The following FBXL7 variants were observed in gnomAD, a reference collection of about 807,000 sequenced individuals.
The protein encoded by FBXL7 is F-box/LRR-repeat protein 7.
In FBXL7, 12 loss-of-function variants were observed where a neutral mutation model predicts 38.3. The observed-to-expected ratio is 0.31, with a 90% confidence interval of 0.20 to 0.51. The LOEUF (loss-of-function observed/expected upper bound fraction) is 0.51, where lower values mean the gene tolerates loss of function less well. Among genes scored for constraint, FBXL7 ranks in the 20% least tolerant of loss-of-function variants. The pLI is 0.98. For synonymous variants in FBXL7, 297 were observed against 300.9 expected, an observed-to-expected ratio of 0.99 and a Z score of 0.13; for missense variants, 567 against 676.4, an observed-to-expected ratio of 0.84 and a Z score of 1.79.
chr5:15,574,229 T>C (rs1243732638), intron 1 of FBXL7, among the ~76,000 whole-genome samples: 2 of 152,242 alleles, frequency 1.3e-5, no homozygotes, highest in Non-Finnish European at 2.9e-5. Context: ...GAATGGTTTA[T>C]CATATAACAG....
At chr5:15,754,896 C>T (rs1003221329) in intron 2 of FBXL7, among the ~76,000 whole-genome samples, 2 of 152,156 alleles carry the variant, frequency 1.3e-5, no homozygotes, top group African/African-American at 4.8e-5. Flanking sequence ...CAACACAGGA[C>T]AACACTTGCT....
intron 1 of FBXL7, among the ~76,000 whole-genome samples, chr5:15,570,377 T>C (rs926710258): frequency 5.9e-5 from 9 of 152,356 alleles, no homozygotes; most frequent in Non-Finnish European, 1.0e-4. Context: ...TTTATTTGCA[T>C]AGAGGTGTTT....
chr5:15,891,363 A>G (rs567051103), intron 2 of FBXL7, among the ~76,000 whole-genome samples: 1 of 152,284 alleles, frequency 6.6e-6, no homozygotes, highest in South Asian at 2.1e-4. Context: ...TTCTGTGTCT[A>G]TTAGTTCACT....
intron 2 of FBXL7, among the ~76,000 whole-genome samples, chr5:15,720,785 A>G (rs1744171863): frequency 8.7e-6 from 1 of 114,582 alleles, no homozygotes; most frequent in African/African-American, 2.9e-5. Context: ...TAATATGATG[A>G]TAAATATTAT....
chr5:15,799,680 G>GA (rs966753122), intron 2 of FBXL7, among the ~76,000 whole-genome samples: 3 of 152,028 alleles, frequency 2.0e-5, no homozygotes, highest in Non-Finnish European at 4.4e-5. Flanking sequence ...TTCTAAAAAG[G>GA]AAAAAAGGTC....
rs552530977 is a variant in FBXL7, at chr5:15,747,761, C to G, written c.127+131689C>G. On this transcript the variant is annotated intron_variant, in intron 2 of 3. Coordinates refer to ENST00000504595, the MANE Select transcript of FBXL7 (RefSeq NM_012304.5). ...AGGGAATCGTGGGATCCAGGTTTTC[C>G]ATCTGTAACTCATCCTCCCACTTAT... Among the ~76,000 whole-genome samples, 374 of 152,228 alleles carry G rather than the reference C, an allele frequency of 2.5e-3. 2 individuals carry two copies. The highest frequency in any genetic ancestry group is 4.1e-3 in the Non-Finnish European group (280 of 68,020).
intron 2 of FBXL7, among the ~76,000 whole-genome samples, chr5:15,741,098 A>T (rs1390691568): frequency 1.3e-5 from 2 of 152,226 alleles, no homozygotes; most frequent in African/African-American, 4.8e-5. Flanking sequence ...CAATGCAAAC[A>T]GGTGGCACAA....
chr5:15,842,496 CT>C (rs1179762200), intron 2 of FBXL7, among the ~76,000 whole-genome samples: 1 of 152,080 alleles, frequency 6.6e-6, no homozygotes, highest in East Asian at 1.9e-4. Context: ...TGAGTTAAGA[CT>C]TTGGGTGACT....
At chr5:15,784,184 G>T (rs767229626) in intron 2 of FBXL7, among the ~76,000 whole-genome samples, 8 of 152,000 alleles carry the variant, frequency 5.3e-5, no homozygotes, top group Non-Finnish European at 1.0e-4. Flanking sequence ...TGAGAGGAAG[G>T]GCTATCACAA....
chr5:15,534,864 G>C (rs1295724720), intron 1 of FBXL7, among the ~76,000 whole-genome samples: 1 of 152,186 alleles, frequency 6.6e-6, no homozygotes, highest in Non-Finnish European at 1.5e-5. Context: ...ATAGGTGTCT[G>C]GTTGTGGTAT....
intron 2 of FBXL7, among the ~76,000 whole-genome samples, chr5:15,848,743 A>C (rs257745): frequency 0.59 from 88,964 of 152,016 alleles, 26,324 homozygotes; most frequent in Non-Finnish European, 0.64. Context: ...CTTTCTAATG[A>C]AACTAAAGTA....
chr5:15,879,941 A>G (rs1740371984), intron 2 of FBXL7, among the ~76,000 whole-genome samples: 2 of 152,162 alleles, frequency 1.3e-5, no homozygotes, highest in Non-Finnish European at 2.9e-5. Flanking sequence ...CAAGCAATAC[A>G]AATCTATCGA....
At chr5:15,899,208 A>G (rs184804123) in intron 2 of FBXL7, among the ~76,000 whole-genome samples, 124 of 152,260 alleles carry the variant, frequency 8.1e-4, no homozygotes, top group African/African-American at 2.8e-3. Flanking sequence ...CTGGGATTAC[A>G]GGCATGTGCA....
intron 1 of FBXL7, among the ~76,000 whole-genome samples, chr5:15,572,338 A>G (rs1738815014): frequency 6.6e-6 from 1 of 151,304 alleles, no homozygotes; most frequent in African/African-American, 2.4e-5. Flanking sequence ...AGGATAAATC[A>G]TGCTCAGGTA....
At chr5:15,542,830 A>G (rs1393380147) in intron 1 of FBXL7, among the ~76,000 whole-genome samples, 1 of 152,208 alleles carries the variant, frequency 6.6e-6, no homozygotes, top group African/African-American at 2.4e-5. Flanking sequence ...ACCCTGTTTT[A>G]TATTGATGTC....
intron 2 of FBXL7, among the ~76,000 whole-genome samples, chr5:15,771,076 T>C (rs543437488): frequency 6.6e-6 from 1 of 152,326 alleles, no homozygotes; most frequent in African/African-American, 2.4e-5. Context: ...TCTTCCCTGT[T>C]TTGCAGTTAA....
intron 2 of FBXL7, among the ~76,000 whole-genome samples, chr5:15,915,601 A>G (rs990663794): frequency 6.6e-6 from 1 of 152,188 alleles, no homozygotes; most frequent in Non-Finnish European, 1.5e-5. Flanking sequence ...CCTTATTTCC[A>G]AATAAGGTCA....
intron 2 of FBXL7, among the ~76,000 whole-genome samples, chr5:15,899,509 AG>A (rs1741183751): frequency 1.3e-5 from 2 of 152,344 alleles, no homozygotes; most frequent in Middle Eastern, 3.4e-3. Context: ...TGAAAAGCAA[AG>A]TTTTACAAGA....
At position 15,508,958 on chromosome 5, in the gene FBXL7, C is replaced by T. The variant is rs1529487; in HGVS notation, c.37+8245C>T. 8.9e-3 allele frequency among the ~76,000 whole-genome samples: 1,350 copies of T among 152,302 alleles called. 9 individuals are homozygous for T. The highest frequency in any genetic ancestry group is 0.027 in the Middle Eastern group (8 of 294). ...CAGTAATGGATACCAAGTAAACTTA[C>T]AGCGTTATCGTTACTTTTATTACTG... On this transcript the variant is annotated intron_variant, in intron 1 of 3. Coordinates refer to ENST00000504595, the MANE Select transcript of FBXL7 (RefSeq NM_012304.5).
Sources: gnomAD v4.1 joint callset for allele counts (sites outside exome capture counted in the v4.1 genomes callset) on GRCh38, gnomAD v4.1.1 for gene constraint, MANE v1.5 for transcripts, NCBI Gene and HGNC (gene_info 2026-07-23, HGNC 2026-07-21) for gene names.